The following VASP variants were observed in gnomAD, a reference collection of about 807,000 sequenced individuals.
The protein encoded by VASP is vasodilator stimulated phosphoprotein, also known as vasodilator-stimulated phosphoprotein.
A neutral mutation model predicts 54.4 loss-of-function variants in VASP; 27 were observed. That is an observed-to-expected ratio of 0.50 (90% confidence interval 0.37 to 0.68). VASP has a LOEUF of 0.68. Ranked by LOEUF, VASP falls within the 30% of genes least tolerant of loss-of-function variation. The pLI is 0.00. For missense variants in VASP, 488 were observed against 528.3 expected (o/e 0.92, Z 0.75); for synonymous variants, 233 against 209.8 (o/e 1.11, Z -0.96).
At chr19:45,514,915 T>A (rs1339813380) in intron 1 of VASP, among the ~76,000 whole-genome samples, 3 of 152,216 alleles carry the variant, frequency 2.0e-5, no homozygotes, top group Admixed American at 6.5e-5. Context: ...CCTCAGTAGC[T>A]GTGTGACTGT....
At chr19:45,518,166 C>A (rs931989819) in intron 3 of VASP, 72 bp downstream of exon 3, 5 of 1,536,528 alleles carry the variant, frequency 3.3e-6, no homozygotes, top group Non-Finnish European at 4.4e-6. Context: ...CTTTACCCTG[C>A]TGGGACTTGG....
At position 45,522,467 on chromosome 19, in the gene VASP, A is replaced by G; in HGVS notation, c.606A>G (p.Gly202=). ...GVPAAAHGAG[G]GPPPAPPLPA... is the part of the protein sequence containing the mutation. Reference sequence around the variant, plus strand: ...CAGCTGCAGCGCACGGAGCAGGGGGAGGACCACCCCCTGCACCCCCTCTCC... The same window carrying G: ...CAGCTGCAGCGCACGGAGCAGGGGGGGGACCACCCCCTGCACCCCCTCTCC... The change falls in exon 6 of 13, where the codon GGA becomes GGG. Residue 202 remains glycine, a synonymous_variant. Transcript: ENST00000245932. 6.9e-7 allele frequency: 1 copy of G among 1,452,166 alleles called. No individual in the cohort carries two copies. 90.0% of individuals were successfully genotyped at this position (1,452,166 alleles called of 1,614,324 possible).
rs759108194 is a variant in VASP at position 45,521,276 on chromosome 19, CAG to C, written c.344-43_344-42del. On this transcript the variant is annotated intron_variant, in intron 3 of 12. Transcript: ENST00000245932. The stretch of plus-strand genomic sequence containing the variant: ...AGCAAGGGAAGCGCCAAGAGCTGAG[CAG>C]AGTTCTGGGACTGATCCATGGCCCT... 2.6e-6 allele frequency: 4 copies of C among 1,514,822 alleles called. No homozygotes were observed. In the Admixed American group the frequency reaches 7.8e-5, roughly 30 times the overall value. 93.8% of individuals were successfully genotyped at this position (1,514,822 alleles called of 1,614,324 possible). A position where few individuals can be genotyped will look rare whatever the true frequency, so the allele number is the denominator to read the frequency against.
intron 1 of VASP, among the ~76,000 whole-genome samples, chr19:45,513,468 C>CTTTTTTTTTTTTTTTTTTGT (rs1968640826): frequency 1.1e-5 from 1 of 92,766 alleles, no homozygotes; most frequent in African/African-American, 4.8e-5. Flanking sequence ...AGTCTCTCTC[C>CTTTTTTTTTTTTTTTTTTGT]TTTTTTTTTT....
intron 3 of VASP, 23 bp downstream of exon 3, chr19:45,518,117 G>T: frequency 6.2e-7 from 1 of 1,606,940 alleles, no homozygotes. Context: ...GGCGGGCAAA[G>T]GGGACCAGTG....
intron 1 of VASP, among the ~76,000 whole-genome samples, chr19:45,508,409 C>A (rs184507163): frequency 2.0e-5 from 3 of 152,292 alleles, no homozygotes; most frequent in East Asian, 3.9e-4. Flanking sequence ...TGGGACCCCC[C>A]CCTTCCCCGT....
intron 4 of VASP, among the ~76,000 whole-genome samples, chr19:45,521,887 AAAAAG>A (rs1487902871): frequency 6.6e-5 from 10 of 151,888 alleles, no homozygotes; most frequent in Non-Finnish European, 1.5e-4. Flanking sequence ...TCAAAAAAAA[AAAAAG>A]AAAAGAAAGA....
In VASP at chr19:45,526,335, T is replaced by C; in HGVS notation, c.*158T>C. ...TGGAAAACTCCAAGGGGGTGTGGCTTCCCTGCTCACACCCACACTGGCTGC... is the reference window on the plus strand; with the variant it reads ...TGGAAAACTCCAAGGGGGTGTGGCTCCCCTGCTCACACCCACACTGGCTGC... On this transcript the variant is annotated 3_prime_UTR_variant, in exon 13 of 13. Coordinates refer to ENST00000245932, the MANE Select transcript of VASP (RefSeq NM_003370.4). 2.3e-6 allele frequency: 2 copies of C among 876,886 alleles called. No individual in the cohort carries two copies. The highest frequency in any genetic ancestry group is 3.3e-6 in the Non-Finnish European group (2 of 604,392). The allele number at this position is 876,886 out of a possible 1,614,324, so 54.3% of individuals were successfully genotyped here.
chr19:45,516,229 C>T (rs1387233477), intron 1 of VASP, among the ~76,000 whole-genome samples: 8 of 152,194 alleles, frequency 5.3e-5, no homozygotes, highest in Non-Finnish European at 1.0e-4. Flanking sequence ...AGGGTGGTGC[C>T]GGAGCTGTCT....
intron 1 of VASP, among the ~76,000 whole-genome samples, chr19:45,511,274 G>A (rs1001812718): frequency 6.6e-6 from 1 of 152,154 alleles, no homozygotes; most frequent in African/African-American, 2.4e-5. Context: ...TGTGAAAACC[G>A]GATTCACCAT....
intron 1 of VASP, among the ~76,000 whole-genome samples, chr19:45,516,983 C>CAAAAAAAAA (rs112095290): frequency 3.5e-5 from 2 of 57,860 alleles, no homozygotes; most frequent in African/African-American, 1.4e-4. Context: ...GACTCTGTCT[C>CAAAAAAAAA]AAAAAAAAAA....
chr19:45,525,735 G>A (rs958042327), intron 11 of VASP: 12 of 489,880 alleles, frequency 2.4e-5, no homozygotes, highest in African/African-American at 6.1e-5. Context: ...TGATTGTGGC[G>A]GCAGGTGACT....
At position 45,522,456 on chromosome 19, in the gene VASP, G is replaced by A. The variant is rs745409668; in HGVS notation, c.595G>A (p.Gly199Arg). ...TTCGGGGGTCCCAGCTGCAGCGCACGGAGCAGGGGGAGGACCACCCCCTGC... is the reference window on the plus strand; with the variant it reads ...TTCGGGGGTCCCAGCTGCAGCGCACAGAGCAGGGGGAGGACCACCCCCTGC... ...PPSGVPAAAH[G>R]AGGGPPPAPP... Residue 199 changes from glycine (G) to arginine (R), a missense_variant, in exon 6 of 13, where the codon GGA becomes AGA. Transcript: ENST00000245932. 23 of 1,485,188 alleles carry A rather than the reference G, an allele frequency of 1.5e-5. No homozygotes were observed. The African/African-American group carries it at 2.0e-4, about 13-fold the overall frequency. 92.0% of individuals were successfully genotyped at this position (1,485,188 alleles called of 1,614,324 possible).
Position 45,523,712 on chromosome 19 carries a change from T to A in VASP, c.873+17T>A, listed in dbSNP as rs11880111. The A allele has an allele frequency of 0.19, 308,588 of 1,613,580 alleles. 31,407 individuals are homozygous for A. The highest frequency in any genetic ancestry group is 0.3 in the East Asian group (13,629 of 44,828). ...TCTGCCAATGTAAGTCAGGGACTCT[T>A]CTTGCCCTACATCTCTTAGGCCGTA... On this transcript the variant is annotated intron_variant, in intron 8 of 12. Transcript: ENST00000245932.
At chr19:45,515,316 G>T (rs1968680737) in intron 1 of VASP, among the ~76,000 whole-genome samples, 1 of 152,084 alleles carries the variant, frequency 6.6e-6, no homozygotes, top group South Asian at 2.1e-4. Flanking sequence ...GGAGACCAGT[G>T]CTTCCCCTTC....
chr19:45,508,236 C>G (rs1265982095), intron 1 of VASP, among the ~76,000 whole-genome samples: 1 of 152,112 alleles, frequency 6.6e-6, no homozygotes, highest in Admixed American at 6.6e-5. Flanking sequence ...GTGCAGGTCC[C>G]CCGTTTACTT....
rs566562091 is a variant in VASP, at chr19:45,510,702, G to A, written c.5+2926G>A. ...AATCCTAACACTTTGGGAGGCCAAG[G>A]CAGAAGGATCGCTTGAGCCCAGGAG... On this transcript the variant is annotated intron_variant, in intron 1 of 12. Coordinates refer to ENST00000245932, the MANE Select transcript of VASP (RefSeq NM_003370.4). Among the ~76,000 whole-genome samples, 4 of 152,268 alleles carry A rather than the reference G, an allele frequency of 2.6e-5. No individual in the cohort carries two copies. In the South Asian group the frequency reaches 8.3e-4, roughly 32 times the overall value.
intron 1 of VASP, among the ~76,000 whole-genome samples, chr19:45,513,181 G>C (rs1410828203): frequency 6.6e-6 from 1 of 152,184 alleles, no homozygotes; most frequent in Non-Finnish European, 1.5e-5. Context: ...ACCAAGAAGA[G>C]TGTCTGGGAC....
rs1043166274 is a variant in VASP, at chr19:45,522,409, C to T, written c.548C>T (p.Pro183Leu). ...PPGPPPPPGP[P>L]PPPGLPPSGV... ...GGACCTCCCCCTCCTCCAGGTCCCCCCCCACCCCCAGGTTTGCCCCCTTCG... is the reference window on the plus strand; with the variant it reads ...GGACCTCCCCCTCCTCCAGGTCCCCTCCCACCCCCAGGTTTGCCCCCTTCG... The change falls in exon 6 of 13, where the codon CCC becomes CTC. Residue 183 changes from proline to leucine, a missense_variant. By Grantham distance (98) the Pro-to-Leu change is moderately conservative. Around this residue, in one of 4 missense-constraint regions of VASP, gnomAD observed 226 missense variants for 196.0 expected, o/e 1.15. Coordinates refer to ENST00000245932, the MANE Select transcript of VASP (RefSeq NM_003370.4). The T allele has an allele frequency of 5.2e-6, 8 of 1,532,412 alleles. No homozygotes were observed. In the African/African-American group the frequency reaches 5.5e-5, roughly 11 times the overall value. 94.9% of individuals were successfully genotyped at this position (1,532,412 alleles called of 1,614,324 possible). A position where few individuals can be genotyped will look rare whatever the true frequency, so the allele number is the denominator to read the frequency against.
Sources: allele counts gnomAD v4.1 joint callset (sites outside exome capture counted in the v4.1 genomes callset), GRCh38; gene constraint gnomAD v4.1.1; regional missense constraint gnomAD v4.1.1; transcripts MANE v1.5; gene names NCBI Gene and HGNC (gene_info 2026-07-23, HGNC 2026-07-21).